TANC2: variants seen among roughly 807,000 people sequenced by gnomAD.
TANC2 encodes protein TANC2.
In TANC2, 26 loss-of-function variants were observed where a neutral mutation model predicts 210.5. The observed-to-expected ratio is 0.12, with a 90% CI of 0.09 to 0.17. The LOEUF (loss-of-function observed/expected upper bound fraction) is 0.17, where lower values mean the gene tolerates loss of function less well. Ranked by LOEUF, TANC2 falls within the 10% of genes least tolerant of loss-of-function variation. The probability of loss-of-function intolerance (pLI) is 1.00; values close to 1 mark genes in which losing one functional copy is unlikely to be tolerated. For missense variants in TANC2, 2,129 were observed against 2,608.9 expected (o/e 0.82, Z 4.01); for synonymous variants, 931 against 967.1 (o/e 0.96, Z 0.69).
chr17:63,384,427 A>T (rs1207925134), intron 15 of TANC2, among the ~76,000 whole-genome samples: 6 of 152,136 alleles, frequency 3.9e-5, no homozygotes, highest in Admixed American at 2.0e-4. Flanking sequence ...ATTCATTAAT[A>T]TATATAATCC....
chr17:63,033,070 G>C (rs1405413183), intron 2 of TANC2, among the ~76,000 whole-genome samples: 1 of 152,178 alleles, frequency 6.6e-6, no homozygotes, highest in Non-Finnish European at 1.5e-5. Context: ...GCCAGATGAA[G>C]AAGTACATAG....
intron 3 of TANC2, among the ~76,000 whole-genome samples, chr17:63,092,304 A>G (rs1303951726): frequency 2.0e-5 from 3 of 151,968 alleles, no homozygotes; most frequent in Non-Finnish European, 4.4e-5. Flanking sequence ...CTGTTTCCCA[A>G]CTTATATATA....
chr17:63,037,814 AAAAAT>A (rs1220725283), intron 2 of TANC2, among the ~76,000 whole-genome samples: 10 of 152,202 alleles, frequency 6.6e-5, no homozygotes, highest in Non-Finnish European at 1.5e-4. Flanking sequence ...CTCCATCTCA[AAAAAT>A]AAAATAAAAC....
intron 8 of TANC2, among the ~76,000 whole-genome samples, chr17:63,259,957 G>A (rs1397102667): frequency 6.6e-6 from 1 of 152,104 alleles, no homozygotes; most frequent in Non-Finnish European, 1.5e-5. Flanking sequence ...AATATTTCAA[G>A]CGCAGAGAGC....
At chr17:63,343,298 A>G (rs1462722958) in intron 12 of TANC2, among the ~76,000 whole-genome samples, 2 of 152,234 alleles carry the variant, frequency 1.3e-5, no homozygotes, top group Admixed American at 1.3e-4. Flanking sequence ...TGGAGTGACT[A>G]TAGTAATCTC....
chr17:63,266,589 T>A lies in TANC2; in HGVS notation c.1034-1159T>A, dbSNP rs777484887. Among the ~76,000 whole-genome samples the A allele has an allele frequency of 4.6e-5, 7 of 152,264 alleles. No individual in the cohort carries two copies. The South Asian group carries it at 1.0e-3, about 23-fold the overall frequency. ...AAGAGCTTATTTATAATCAGCTATT[T>A]GGTAAGGTAGTATATATCATTGGTG... is the stretch of plus-strand genomic sequence containing the variant. On this transcript the variant is annotated intron_variant, in intron 8 of 27. Transcript: ENST00000689528.
chr17:63,236,983 A>G (rs2042638498), intron 7 of TANC2, among the ~76,000 whole-genome samples: 1 of 152,110 alleles, frequency 6.6e-6, no homozygotes, highest in Non-Finnish European at 1.5e-5. Context: ...TGACATATGG[A>G]TTTCTTTTCC....
chr17:63,179,962 C>T (rs953010629), intron 5 of TANC2, among the ~76,000 whole-genome samples: 2 of 135,032 alleles, frequency 1.5e-5, no homozygotes, highest in African/African-American at 3.0e-5. Context: ...CATAGGGAGA[C>T]TACATCTCTT....
rs576313614 is a variant in TANC2 at position 63,357,094 on chromosome 17, A to G, written c.2582+1704A>G. Among the ~76,000 whole-genome samples, 29 of 152,346 alleles carry G rather than the reference A, an allele frequency of 1.9e-4. No individual in the cohort carries two copies. In the East Asian group the frequency reaches 5.0e-3, roughly 26 times the overall value. ...AGGATTTTACTATAAATCCTACTAG[A>G]GCTGTTGTCAATATTTAATACAAAG... On this transcript the variant is annotated intron_variant, in intron 14 of 27. Coordinates refer to ENST00000689528, the Ensembl canonical transcript of TANC2.
At chr17:62,997,626 G>A (rs1273889230) in intron 1 of TANC2, among the ~76,000 whole-genome samples, 1 of 151,966 alleles carries the variant, frequency 6.6e-6, no homozygotes, top group African/African-American at 2.4e-5. Flanking sequence ...TCAGTTTGTG[G>A]TCATATTTTT....
chr17:62,988,295 CTTTTT>C (rs59386058), intron 1 of TANC2, among the ~76,000 whole-genome samples: 1 of 111,738 alleles, frequency 8.9e-6, no homozygotes, highest in African/African-American at 3.7e-5. Context: ...ACCTGGCTAA[CTTTTT>C]TTTTTTTTTT....
In TANC2 at chr17:63,042,762, A is replaced by C. The variant is rs2035239937; in HGVS notation, c.68-31181A>C. Among the ~76,000 whole-genome samples, 3 of 152,204 alleles carry C rather than the reference A, an allele frequency of 2.0e-5. No homozygotes were observed. In the East Asian group the frequency reaches 5.8e-4, roughly 29 times the overall value. On this transcript the variant is annotated intron_variant, in intron 2 of 27. Transcript: ENST00000689528. ...TATTGTTTATGAATCGTTCAGATTCACAGTGTGGTTAAGGGTAGAAGAAAT... is the reference window on the plus strand; with the variant it reads ...TATTGTTTATGAATCGTTCAGATTCCCAGTGTGGTTAAGGGTAGAAGAAAT...
rs534577018 is a variant in TANC2 at position 63,093,995 on chromosome 17, C to T, written c.140-5180C>T. On this transcript the variant is annotated intron_variant, in intron 3 of 27. Transcript: ENST00000689528. Reference sequence around the variant, plus strand: ...GGTATGTACTCTGTCAGATGTATTCCTAAATATTTTATGTTTTTAGTAGTG... The same window carrying T: ...GGTATGTACTCTGTCAGATGTATTCTTAAATATTTTATGTTTTTAGTAGTG... 2.0e-5 allele frequency among the ~76,000 whole-genome samples: 3 copies of T among 152,066 alleles called. No individual in the cohort carries two copies. The South Asian group carries it at 6.2e-4, about 32-fold the overall frequency.
chr17:63,132,697 A>G (rs1051998565), intron 4 of TANC2, among the ~76,000 whole-genome samples: 3 of 152,188 alleles, frequency 2.0e-5, no homozygotes, highest in Non-Finnish European at 2.9e-5. Context: ...TCTTACAAAT[A>G]ATAGAAATTT....
chr17:63,367,872 G>T (rs529797214), intron 14 of TANC2, among the ~76,000 whole-genome samples: 5 of 152,198 alleles, frequency 3.3e-5, no homozygotes, highest in Non-Finnish European at 7.3e-5. Flanking sequence ...GTAGATAACA[G>T]GGAGCCTCTG....
chr17:63,133,250 G>C (rs2038980774), intron 4 of TANC2, among the ~76,000 whole-genome samples: 1 of 152,078 alleles, frequency 6.6e-6, no homozygotes, highest in African/African-American at 2.4e-5. Context: ...GGGATTACAG[G>C]TGTGTGCCAC....
intron 11 of TANC2, among the ~76,000 whole-genome samples, chr17:63,319,543 G>C (rs867632128): frequency 1.3e-5 from 2 of 152,138 alleles, no homozygotes; most frequent in South Asian, 2.1e-4. Context: ...TAGAGACGGG[G>C]TTTTGCCATG....
rs150001714 is a variant in TANC2 at position 63,353,002 on chromosome 17, A to T, written c.1974+1586A>T. Reference sequence around the variant, plus strand: ...AAGAAAAACAAAATAGGGTGGAGGGATAACTGGATAGTAGTTGTTTTAGAT... The same window carrying T: ...AAGAAAAACAAAATAGGGTGGAGGGTTAACTGGATAGTAGTTGTTTTAGAT... On this transcript the variant is annotated intron_variant, in intron 13 of 27. Transcript: ENST00000689528. 1.2e-4 allele frequency among the ~76,000 whole-genome samples: 19 copies of T among 152,286 alleles called. No individual in the cohort carries two copies. The East Asian group carries it at 2.1e-3, about 17-fold the overall frequency.
chr17:62,997,768 A>G (rs751674961), intron 1 of TANC2, among the ~76,000 whole-genome samples: 2 of 152,230 alleles, frequency 1.3e-5, no homozygotes, highest in African/African-American at 2.4e-5. Context: ...TTTATTTGGC[A>G]TAGTTCTAAT....
Sources: gnomAD v4.1 joint callset for allele counts (sites outside exome capture counted in the v4.1 genomes callset) on GRCh38, gnomAD v4.1.1 for gene constraint, MANE v1.5 for transcripts, NCBI Gene and HGNC (gene_info 2026-07-23, HGNC 2026-07-21) for gene names.